Variants in KLRB1 observed in about 807,000 individuals in gnomAD.
KLRB1 encodes the protein killer cell lectin like receptor B1, also known as killer cell lectin-like receptor subfamily B member 1.
KLRB1 carries 27 observed loss-of-function variants against 33.5 expected under a neutral mutation model. The ratio of observed to expected loss-of-function variants is 0.81; its 90% CI spans 0.59 to 1.11. The LOEUF (loss-of-function observed/expected upper bound fraction) is 1.11, where lower values mean the gene tolerates loss of function less well. KLRB1 is among the 50% of genes most tolerant of loss of function. The pLI, the probability that KLRB1 is intolerant of heterozygous loss-of-function variation, is 0.00. For synonymous variants in KLRB1, 64 were observed against 88.9 expected (o/e 0.72, Z 1.58); for missense variants, 241 against 254.1 (o/e 0.95, Z 0.35).
At position 9,595,087 on chromosome 12, in the gene KLRB1, T is replaced by G; in HGVS notation, c.*187A>C. 1.8e-6 allele frequency: 1 copy of G among 568,362 alleles called. No homozygotes were observed. Among genetic ancestry groups the G allele is most frequent in the Non-Finnish European group, 3.1e-6 (1 of 321,166 alleles). 35.2% of individuals were successfully genotyped at this position (568,362 alleles called of 1,614,324 possible). On this transcript the variant is annotated 3_prime_UTR_variant, in exon 6 of 6. Transcript: ENST00000229402. ...ATGCACGTTTTTCTCTATGTCTCTG[T>G]TTCCTCATTTAATAGAATGAATATG... is the stretch of plus-strand genomic sequence containing the variant.
intron 5 of KLRB1, among the ~76,000 whole-genome samples, chr12:9,596,945 G>T (rs1010430371): frequency 3.9e-5 from 6 of 152,080 alleles, no homozygotes; most frequent in African/African-American, 1.4e-4. Context: ...TAAACATAAT[G>T]TGTATGTTTG....
intron 1 of KLRB1, among the ~76,000 whole-genome samples, chr12:9,607,185 T>G (rs1864614916): frequency 6.6e-6 from 1 of 152,102 alleles, no homozygotes; most frequent in African/African-American, 2.4e-5. Flanking sequence ...GTCTTAAATA[T>G]TCCTTAGTTC....
chr12:9,607,355 C>CTTCCTTTCTTTCTTT (rs1555097796), intron 1 of KLRB1, among the ~76,000 whole-genome samples: 1,626 of 52,538 alleles, frequency 0.031, 94 homozygotes, highest in East Asian at 0.099. Flanking sequence ...TTTCTTTCTT[C>CTTCCTTTCTTTCTTT]CTTTCTTTCT....
In KLRB1 at chr12:9,595,287, TAC is replaced by T; in HGVS notation, c.663_664del (p.Tyr222SerfsTer2). 6.2e-7 allele frequency: 1 copy of T among 1,613,290 alleles called. No individual in the cohort carries two copies. The highest frequency in any genetic ancestry group is 1.3e-5 in the African/African-American group (1 of 75,000). Reference sequence around the variant, plus strand: ...TGGGATTCATAGTCAAGAGTCAGGATACACTTTATTTCTCACAGGTGTTAGTT... The same window carrying T: ...TGGGATTCATAGTCAAGAGTCAGGATACTTTATTTCTCACAGGTGTTAGTT... On this transcript the variant is annotated frameshift_variant, in exon 6 of 6. Transcript: ENST00000229402. LOFTEE classifies it high-confidence loss of function.
rs1555097826 is a variant in KLRB1 at position 9,607,374 on chromosome 12, T to TTCTTTCTTTCTTTCTC, written c.85+380_85+381insGAGAAAGAAAGAAAGA. ...TTTCTTCCTTTCTTTCTTTCTTTCT[T>TTCTTTCTTTCTTTCTC]TCTTTCTTTCTTTCTTTCTTTCTTT... On this transcript the variant is annotated intron_variant, in intron 1 of 5. Coordinates refer to ENST00000229402, the MANE Select transcript of KLRB1 (RefSeq NM_002258.3). 1.4e-3 allele frequency among the ~76,000 whole-genome samples: 129 copies of TTCTTTCTTTCTTTCTC among 94,234 alleles called. 3 individuals are homozygous for TTCTTTCTTTCTTTCTC. The highest frequency in any genetic ancestry group is 3.9e-3 in the South Asian group (8 of 2,074). 61.8% of individuals were successfully genotyped at this position (94,234 alleles called of 152,430 possible).
At chr12:9,598,447 T>A in intron 4 of KLRB1, 52 bp downstream of exon 4, 4 of 1,509,620 alleles carry the variant, frequency 2.6e-6, no homozygotes, top group Non-Finnish European at 3.6e-6. Context: ...GACATTAATA[T>A]GGTTTAAAGA....
rs760842714 is a variant in KLRB1 at position 9,595,385 on chromosome 12, A to G, written c.567T>C (p.Cys189=). The G allele has an allele frequency of 3.1e-6, 5 of 1,613,156 alleles. No individual in the cohort carries two copies. The African/African-American group carries it at 6.7e-5, about 22-fold the overall frequency. Residue 189 remains cysteine, a synonymous_variant, in exon 6 of 6, where the codon TGT becomes TGC. Coordinates refer to ENST00000229402, the MANE Select transcript of KLRB1 (RefSeq NM_002258.3). ...ACACAGATGTCTGTGAGATGGAAAT[A>G]CAGCTGTTTTCTTTAGCATCACCTC... ...EIRGDAKENS[C]ISISQTSVYS...
chr12:9,604,659 G>A (rs116594109), intron 1 of KLRB1, among the ~76,000 whole-genome samples: 1 of 152,138 alleles, frequency 6.6e-6, no homozygotes, highest in African/African-American at 2.4e-5. Flanking sequence ...CTTCTGTCAG[G>A]TTTTGACTCA....
chr12:9,601,441 C>T, intron 2 of KLRB1, 60 bp downstream of exon 2: 1 of 1,298,762 alleles, frequency 7.7e-7, no homozygotes, highest in South Asian at 1.2e-5. Context: ...CAGAGATGCT[C>T]TAAGATACGT....
At chr12:9,607,415 T>TTTTTTTCTTTTTG (rs143585761) in intron 1 of KLRB1, among the ~76,000 whole-genome samples, 2 of 103,194 alleles carry the variant, frequency 1.9e-5, no homozygotes, top group Non-Finnish European at 4.2e-5. Context: ...TTTTCTTTCT[T>TTTTTTTCTTTTTG]TCTTTCTTTC....
rs1444001576 is a variant in KLRB1 at position 9,598,478 on chromosome 12, G to T, written c.414+21C>A. On this transcript the variant is annotated intron_variant, in intron 4 of 5. Coordinates refer to ENST00000229402, the MANE Select transcript of KLRB1 (RefSeq NM_002258.3). ...AAAGAAAGTGTTAAGTTTTATTAAG[G>T]TATTTTATTTAATGATTTACCAATT... 4 of 1,591,856 alleles carry T rather than the reference G, an allele frequency of 2.5e-6. No individual in the cohort carries two copies. The African/African-American group carries it at 5.4e-5, about 22-fold the overall frequency.
chr12:9,598,058 A>G lies in KLRB1; in HGVS notation c.518T>C (p.Leu173Ser). The change falls in exon 5 of 6, where the codon TTA becomes TCA. Residue 173 changes from leucine to serine, a missense_variant. Coordinates refer to ENST00000229402, the MANE Select transcript of KLRB1 (RefSeq NM_002258.3). Reference protein sequence around the residue: ...KNWKWINGSFLNSNDLEIRGD... With the variant: ...KNWKWINGSFSNSNDLEIRGD... The stretch of plus-strand genomic sequence containing the variant: ...ATCTAATACTCACTCATTAGAATTT[A>G]AAAAAGAGCCGTTTATCCACTTCCA... 6.6e-7 allele frequency: 1 copy of G among 1,506,306 alleles called. No individual in the cohort carries two copies. Among genetic ancestry groups the G allele is most frequent in the Non-Finnish European group, 9.1e-7 (1 of 1,094,726 alleles). The allele number at this position is 1,506,306 out of a possible 1,614,324, so 93.3% of individuals were successfully genotyped here. A position where few individuals can be genotyped will look rare whatever the true frequency, so the allele number is the denominator to read the frequency against.
At chr12:9,603,079 C>T (rs940982364) in intron 1 of KLRB1, among the ~76,000 whole-genome samples, 8 of 152,108 alleles carry the variant, frequency 5.3e-5, no homozygotes, top group South Asian at 4.1e-4. Context: ...TATGGATTAT[C>T]GTCTGGTACT....
rs779033858 is a variant in KLRB1 at position 9,607,767 on chromosome 12, A to T, written c.73T>A (p.Ser25Thr). Residue 25 changes from serine to threonine, a missense_variant, in exon 1 of 6, where the codon TCT (serine) becomes ACT (threonine). Physicochemically the swap from Ser to Thr is moderately conservative, Grantham distance 58. Coordinates refer to ENST00000229402, the MANE Select transcript of KLRB1 (RefSeq NM_002258.3). ...DSGPESSSPSSLPRDVCQGSP... is the reference protein window; with the variant it reads ...DSGPESSSPSTLPRDVCQGSP... The stretch of plus-strand genomic sequence containing the variant: ...TAAAGCCACTTACCCCGAGGAAGAG[A>T]TGAAGGTGAAGAACTTTCTGGGCCT... 9.9e-6 allele frequency: 16 copies of T among 1,611,496 alleles called. No individual in the cohort carries two copies. The highest frequency in any genetic ancestry group is 1.7e-5 in the Admixed American group (1 of 59,976).
chr12:9,598,822 C>A (rs1009428040), intron 3 of KLRB1, among the ~76,000 whole-genome samples, 169 bp from the exon 4 acceptor site: 9 of 152,146 alleles, frequency 5.9e-5, no homozygotes, highest in African/African-American at 2.2e-4. Flanking sequence ...ACCTACTGTT[C>A]ATTCTAGTAC....
At chr12:9,596,191 TTTC>T (rs1864491104) in intron 5 of KLRB1, among the ~76,000 whole-genome samples, 1 of 152,116 alleles carries the variant, frequency 6.6e-6, no homozygotes, top group Admixed American at 6.6e-5. Flanking sequence ...CATCACAGCT[TTTC>T]TTTAGTCCTT....
chr12:9,607,060 T>C (rs1235524912), intron 1 of KLRB1, among the ~76,000 whole-genome samples: 1 of 152,058 alleles, frequency 6.6e-6, no homozygotes, highest in Admixed American at 6.6e-5. Flanking sequence ...GCCTACACGT[T>C]GTATTCTGAA....
intron 1 of KLRB1, among the ~76,000 whole-genome samples, chr12:9,604,842 T>G (rs1453464007): frequency 2.0e-5 from 3 of 152,166 alleles, no homozygotes; most frequent in Non-Finnish European, 4.4e-5. Flanking sequence ...TTTTTTAATT[T>G]TTATTTTTTA....
At chr12:9,599,074 G>C (rs1041044905) in intron 3 of KLRB1, among the ~76,000 whole-genome samples, 38 of 152,076 alleles carry the variant, frequency 2.5e-4, no homozygotes, top group African/African-American at 8.9e-4. Flanking sequence ...CATGTAAAAA[G>C]TACTGACTTT....
Sources: allele counts gnomAD v4.1 joint callset (sites outside exome capture counted in the v4.1 genomes callset), GRCh38; gene constraint gnomAD v4.1.1; transcripts MANE v1.5; gene names NCBI Gene and HGNC (gene_info 2026-07-23, HGNC 2026-07-21).